DLG1: variants seen among roughly 807,000 people sequenced by gnomAD.
The protein encoded by DLG1 is disks large homolog 1.
Under a neutral mutation model 123.4 loss-of-function variants are expected in DLG1, and 42 were observed. That is an observed-to-expected ratio of 0.34 (90% CI 0.27 to 0.44). The LOEUF (loss-of-function observed/expected upper bound fraction) is 0.44. Among genes scored for constraint, DLG1 ranks in the 20% least tolerant of loss-of-function variants. The pLI, the probability that DLG1 is intolerant of heterozygous loss-of-function variation, is 1.00. For synonymous variants in DLG1, 317 were observed against 356.2 expected (o/e 0.89, Z 1.24); for missense variants, 942 against 1,082.6 (o/e 0.87, Z 1.82).
chr3:197,107,555 A>C (rs918952528), intron 13 of DLG1, among the ~76,000 whole-genome samples: 5 of 151,966 alleles, frequency 3.3e-5, no homozygotes, highest in Non-Finnish European at 7.4e-5. Context: ...AAGAACAAAA[A>C]ACAAAAAAAC....
At chr3:197,105,108 A>G (rs1356693335) in intron 13 of DLG1, 103 bp from the exon 14 acceptor site, 1 of 668,946 alleles carries the variant, frequency 1.5e-6, no homozygotes, top group African/African-American at 1.9e-5. Flanking sequence ...AATTAGTTGC[A>G]ATAACTTTAC....
rs1723926217 is a variant in DLG1 at position 197,047,220 on chromosome 3, C to G, written c.2576-2491G>C. On this transcript the variant is annotated intron_variant, in intron 24 of 24. Transcript: ENST00000667157. ...AACTATGATTCTATAAGGGAATATC[C>G]CTGTTTTTTAGAAAATACACACTGA... 2.0e-5 allele frequency among the ~76,000 whole-genome samples: 3 copies of G among 151,862 alleles called. No individual in the cohort carries two copies. In the South Asian group the frequency reaches 6.2e-4, roughly 32 times the overall value.
chr3:197,154,658 G>A (rs1795531230), intron 5 of DLG1, among the ~76,000 whole-genome samples: 1 of 151,892 alleles, frequency 6.6e-6, no homozygotes, highest in Admixed American at 6.6e-5. Flanking sequence ...CTGGGTGACA[G>A]AGCCAGACTC....
chr3:197,143,322 C>G (rs533612045), intron 6 of DLG1, among the ~76,000 whole-genome samples: 1 of 151,814 alleles, frequency 6.6e-6, no homozygotes, highest in Admixed American at 6.6e-5. Flanking sequence ...GTGGCGTGAT[C>G]TTGGTTCACT....
chr3:197,219,760 G>A (rs1735974579), intron 4 of DLG1, among the ~76,000 whole-genome samples: 1 of 152,174 alleles, frequency 6.6e-6, no homozygotes, highest in Non-Finnish European at 1.5e-5. Context: ...ACGGAGGAAA[G>A]GCCACGTGAA....
intron 17 of DLG1, chr3:197,078,464 A>G (rs1461749481): frequency 1.3e-5 from 2 of 152,186 alleles, no homozygotes; most frequent in African/African-American, 2.4e-5. Context: ...TTCAGGATTA[A>G]TAAGTTCACA....
chr3:197,127,436 A>T (rs1779761697), intron 11 of DLG1, among the ~76,000 whole-genome samples: 1 of 44,424 alleles, frequency 2.3e-5, no homozygotes, highest in African/African-American at 9.9e-5. Context: ...AAAAAAAAAA[A>T]AAAAAAAAAA....
chr3:197,069,668 T>C (rs1299999007), intron 18 of DLG1: 1 of 153,502 alleles, frequency 6.5e-6, no homozygotes, highest in East Asian at 1.9e-4. Flanking sequence ...CCCATTTTAA[T>C]GACGGGATGT....
intron 4 of DLG1, among the ~76,000 whole-genome samples, chr3:197,246,207 C>T (rs1377696189): frequency 6.6e-6 from 1 of 152,036 alleles, no homozygotes; most frequent in East Asian, 1.9e-4. Flanking sequence ...ATGTTTTTTT[C>T]CTTCAATTAC....
At chr3:197,045,652 G>A (rs1213718298) in intron 24 of DLG1, among the ~76,000 whole-genome samples, 1 of 152,102 alleles carries the variant, frequency 6.6e-6, no homozygotes, top group East Asian at 1.9e-4. Flanking sequence ...GAGACAGGAG[G>A]ATGATCTCTT....
chr3:197,180,383 G>A (rs749822028), intron 5 of DLG1, among the ~76,000 whole-genome samples: 2 of 152,088 alleles, frequency 1.3e-5, no homozygotes, highest in Non-Finnish European at 1.5e-5. Context: ...CGATTATTGA[G>A]TGACCCTCAA....
chr3:197,048,527 A>G (rs566395515), intron 24 of DLG1, among the ~76,000 whole-genome samples: 40 of 152,340 alleles, frequency 2.6e-4, no homozygotes, highest in African/African-American at 9.4e-4. Context: ...GATGGCTGTT[A>G]TCAAAAAGAT....
chr3:197,298,739 C>G (rs1028715100), upstream of DLG1: 9 of 396,730 alleles, frequency 2.3e-5, no homozygotes, highest in East Asian at 3.2e-4. Context: ...GCATTGCCTT[C>G]CACTCCAGGC....
At chr3:197,228,629 G>A (rs1182356443) in intron 4 of DLG1, among the ~76,000 whole-genome samples, 1 of 152,002 alleles carries the variant, frequency 6.6e-6, no homozygotes, top group Admixed American at 6.6e-5. Flanking sequence ...TTGATTTTGG[G>A]ACCTACCAGG....
intron 4 of DLG1, among the ~76,000 whole-genome samples, chr3:197,279,489 A>C (rs562904700): frequency 2.6e-5 from 4 of 152,314 alleles, no homozygotes; most frequent in Admixed American, 2.6e-4. Context: ...AACAGATTTC[A>C]AACATTACTA....
intron 4 of DLG1, among the ~76,000 whole-genome samples, chr3:197,204,286 A>G (rs1488448302): frequency 1.3e-5 from 2 of 152,246 alleles, no homozygotes; most frequent in Admixed American, 6.5e-5. Flanking sequence ...ATGAAGCTGC[A>G]GGAATAGAAA....
intron 23 of DLG1, among the ~76,000 whole-genome samples, chr3:197,053,967 C>T (rs1401467233): frequency 6.6e-6 from 1 of 151,842 alleles, no homozygotes; most frequent in African/African-American, 2.4e-5. Flanking sequence ...CGGTGCATGT[C>T]TGTAGCCCTA....
intron 11 of DLG1, among the ~76,000 whole-genome samples, chr3:197,121,510 C>T (rs906670815): frequency 6.6e-6 from 1 of 152,040 alleles, no homozygotes; most frequent in African/African-American, 2.4e-5. Flanking sequence ...AAAATATATA[C>T]TGTAAAAAAC....
intron 22 of DLG1, among the ~76,000 whole-genome samples, chr3:197,062,727 C>T (rs1011436966): frequency 5.3e-5 from 8 of 152,132 alleles, no homozygotes; most frequent in South Asian, 4.1e-4. Flanking sequence ...AGCCCAGATC[C>T]GGGCCCCAGA....
Sources: allele counts gnomAD v4.1 joint callset (sites outside exome capture counted in the v4.1 genomes callset), GRCh38; gene constraint gnomAD v4.1.1; transcripts MANE v1.5; gene names NCBI Gene and HGNC (gene_info 2026-07-23, HGNC 2026-07-21).